The following UQCC1 variants were observed in gnomAD, a reference collection of about 807,000 sequenced individuals.
The protein encoded by UQCC1 is bFGF-repressed Zic-binding protein.
In UQCC1, 38 loss-of-function variants were observed where a neutral mutation model predicts 48.0. That is an observed-to-expected ratio of 0.79 (90% CI 0.61 to 1.04). The LOEUF (loss-of-function observed/expected upper bound fraction) is 1.04, where lower values mean the gene tolerates loss of function less well. Among genes scored for constraint, UQCC1 ranks in the 50% least tolerant of loss-of-function variants. The probability of loss-of-function intolerance (pLI) is 0.00; values close to 1 mark genes in which losing one functional copy is unlikely to be tolerated. For missense variants in UQCC1, 368 were observed against 381.8 expected (o/e 0.96, Z 0.30); for synonymous variants, 111 against 129.2 (o/e 0.86, Z 0.95).
At position 35,374,266 on chromosome 20, in the gene UQCC1, G is replaced by A. The variant is rs1362096345; in HGVS notation, c.334-10C>T. On this transcript the variant is annotated splice_polypyrimidine_tract_variant and intron_variant, in intron 4 of 9. Transcript: ENST00000374385. ...CCGCAATCTTAATCTTCTAGACAAA[G>A]AGAATAAAACCAAACTCAAGACATG... is the stretch of plus-strand genomic sequence containing the variant. 2 of 1,606,678 alleles carry A rather than the reference G, an allele frequency of 1.2e-6. No individual in the cohort carries two copies. The highest frequency in any genetic ancestry group is 1.7e-5 in the Admixed American group (1 of 58,566).
At chr20:35,368,743 T>C (rs976356506) in intron 5 of UQCC1, among the ~76,000 whole-genome samples, 1 of 152,204 alleles carries the variant, frequency 6.6e-6, no homozygotes, top group African/African-American at 2.4e-5. Flanking sequence ...AATCCAAGTC[T>C]GTCACAAAGT....
intron 7 of UQCC1, among the ~76,000 whole-genome samples, chr20:35,342,082 T>G (rs934956577): frequency 3.3e-5 from 5 of 152,164 alleles, no homozygotes; most frequent in Admixed American, 2.0e-4. Context: ...GCCCTCTGCA[T>G]CATCCCATCA....
At chr20:35,333,378 T>TG (rs1413074556) in intron 7 of UQCC1, among the ~76,000 whole-genome samples, 6 of 152,154 alleles carry the variant, frequency 3.9e-5, no homozygotes, top group Non-Finnish European at 4.4e-5. Flanking sequence ...ATAAAGTCTG[T>TG]GGGGGGCGGG....
chr20:35,401,786 C>T (rs2062169252), intron 1 of UQCC1, among the ~76,000 whole-genome samples: 1 of 151,766 alleles, frequency 6.6e-6, no homozygotes, highest in African/African-American at 2.4e-5. Context: ...CTCAGCCTCC[C>T]GAGCAGCTGG....
intron 8 of UQCC1, among the ~76,000 whole-genome samples, chr20:35,311,150 C>T (rs907888444): frequency 1.3e-5 from 2 of 152,066 alleles, no homozygotes; most frequent in Non-Finnish European, 1.5e-5. Context: ...CTCAGTCAGG[C>T]ACAGCATGTC....
chr20:35,362,968 T>C (rs1268262461), intron 6 of UQCC1, among the ~76,000 whole-genome samples: 1 of 151,660 alleles, frequency 6.6e-6, no homozygotes, highest in Non-Finnish European at 1.5e-5. Context: ...AGCTGCTTCT[T>C]TCTTCCTTCC....
chr20:35,314,918 T>G (rs2061040555), intron 7 of UQCC1, among the ~76,000 whole-genome samples, 153 bp from the exon 8 acceptor site: 1 of 152,204 alleles, frequency 6.6e-6, no homozygotes, highest in Admixed American at 6.5e-5. Context: ...AATTCCCTGA[T>G]GTGTCAGGAT....
intron 7 of UQCC1, among the ~76,000 whole-genome samples, chr20:35,321,273 TGTGTGTGTGTGCGC>T (rs1459996550): frequency 4.0e-5 from 6 of 150,246 alleles, no homozygotes; most frequent in East Asian, 3.9e-4. Context: ...TGTGTGTGTG[TGTGTGTGTGTGCGC>T]GCGCGCGCGC....
chr20:35,329,391 C>A (rs1030291581), intron 7 of UQCC1, among the ~76,000 whole-genome samples: 1 of 152,212 alleles, frequency 6.6e-6, no homozygotes, highest in Non-Finnish European at 1.5e-5. Context: ...GTTCCTCCTG[C>A]TCCTTTGAGA....
intron 5 of UQCC1, among the ~76,000 whole-genome samples, chr20:35,371,863 A>C (rs1224795637): frequency 2.0e-5 from 3 of 151,812 alleles, no homozygotes; most frequent in Non-Finnish European, 4.4e-5. Flanking sequence ...TAAAAATAAA[A>C]AAATGACCCA....
chr20:35,385,583 C>G (rs2061932129), intron 2 of UQCC1, among the ~76,000 whole-genome samples: 1 of 152,180 alleles, frequency 6.6e-6, no homozygotes, highest in Non-Finnish European at 1.5e-5. Context: ...CTGACTGCAA[C>G]CTCCACCTCC....
rs181900588 is a variant in UQCC1, at chr20:35,400,697, A to G, written c.25-6501T>C. Among the ~76,000 whole-genome samples the G allele has an allele frequency of 1.8e-4, 28 of 151,920 alleles. No homozygotes were observed. The East Asian group carries it at 5.3e-3, about 29-fold the overall frequency. On this transcript the variant is annotated intron_variant, in intron 1 of 9. Coordinates refer to ENST00000374385, the MANE Select transcript of UQCC1 (RefSeq NM_018244.5). Reference sequence around the variant, plus strand: ...TTTTTAGTAGAGATGGGGTTTCACCATGTTCGCCAGGATGGTCTTGATCTC... The same window carrying G: ...TTTTTAGTAGAGATGGGGTTTCACCGTGTTCGCCAGGATGGTCTTGATCTC...
intron 5 of UQCC1, among the ~76,000 whole-genome samples, chr20:35,371,484 C>T (rs1347802236): frequency 1.3e-5 from 2 of 151,430 alleles, no homozygotes; most frequent in African/African-American, 4.8e-5. Context: ...ATTAGAGGCA[C>T]CCACCACCAT....
chr20:35,385,558 G>A (rs1408705492), intron 2 of UQCC1, among the ~76,000 whole-genome samples: 1 of 152,162 alleles, frequency 6.6e-6, no homozygotes, highest in Non-Finnish European at 1.5e-5. Flanking sequence ...CTGGAGTGCA[G>A]TGGTGCAATC....
intron 2 of UQCC1, among the ~76,000 whole-genome samples, chr20:35,389,461 G>C (rs1358996622): frequency 2.6e-5 from 4 of 152,076 alleles, no homozygotes; most frequent in Admixed American, 6.5e-5. Flanking sequence ...TATTCAGGAG[G>C]CTGAGGCAGG....
chr20:35,365,655 T>TA (rs34840052), intron 6 of UQCC1, among the ~76,000 whole-genome samples: 65,635 of 118,754 alleles, frequency 0.55, 18,108 homozygotes, highest in East Asian at 0.72. Context: ...AGACTATGTC[T>TA]AAAAAAAAAA....
At chr20:35,318,947 C>A (rs2061092996) in intron 7 of UQCC1, among the ~76,000 whole-genome samples, 1 of 152,162 alleles carries the variant, frequency 6.6e-6, no homozygotes, top group South Asian at 2.1e-4. Flanking sequence ...GAGCACTCTG[C>A]CCATGACTAC....
intron 7 of UQCC1, among the ~76,000 whole-genome samples, chr20:35,319,287 A>G (rs2061096265): frequency 6.6e-6 from 1 of 152,166 alleles, no homozygotes; most frequent in Non-Finnish European, 1.5e-5. Context: ...ATAAACTATG[A>G]TGTCACCTCT....
At chr20:35,333,555 A>G (rs191127567) in intron 7 of UQCC1, among the ~76,000 whole-genome samples, 4 of 152,338 alleles carry the variant, frequency 2.6e-5, no homozygotes, top group East Asian at 1.9e-4. Context: ...TTAATTCTCA[A>G]TGCAGAAGGG....
Sources: gnomAD v4.1 joint callset for allele counts (sites outside exome capture counted in the v4.1 genomes callset) on GRCh38, gnomAD v4.1.1 for gene constraint, MANE v1.5 for transcripts, NCBI Gene and HGNC (gene_info 2026-07-23, HGNC 2026-07-21) for gene names.